FXN: variants seen among roughly 807,000 people sequenced by gnomAD.
FXN encodes frataxin.
In FXN, 14 loss-of-function variants were observed where a neutral mutation model predicts 22.4. The ratio of observed to expected loss-of-function variants is 0.62; its 90% CI spans 0.41 to 0.98. FXN has a LOEUF of 0.98. Ranked by LOEUF, FXN falls within the 50% of genes least tolerant of loss-of-function variation. The pLI is 0.00. For synonymous variants in FXN, 120 were observed against 114.1 expected (o/e 1.05, Z -0.33); for missense variants, 267 against 268.4 (o/e 0.99, Z 0.04).
At chr9:69,068,914 G>A (rs1001995947) in intron 4 of FXN, among the ~76,000 whole-genome samples, 3 of 152,180 alleles carry the variant, frequency 2.0e-5, no homozygotes, top group African/African-American at 4.8e-5. Context: ...GAACTTCCCC[G>A]AGTGACTGAT....
At chr9:69,060,182 C>T (rs913842152) in intron 3 of FXN, among the ~76,000 whole-genome samples, 3 of 152,130 alleles carry the variant, frequency 2.0e-5, no homozygotes, top group African/African-American at 7.2e-5. Flanking sequence ...TTCTGGCTAA[C>T]ACGGTGAAAC....
intron 4 of FXN, among the ~76,000 whole-genome samples, chr9:69,067,224 C>T (rs1027401882): frequency 7.2e-5 from 11 of 152,232 alleles, no homozygotes; most frequent in Non-Finnish European, 1.2e-4. Flanking sequence ...GGGCGGCTCT[C>T]CCCACTCCCG....
intron 3 of FXN, among the ~76,000 whole-genome samples, chr9:69,057,038 G>A (rs2133116076): frequency 6.6e-6 from 1 of 152,162 alleles, no homozygotes; most frequent in South Asian, 2.1e-4. Context: ...CCAAAGTGCT[G>A]GGATTACAGG....
chr9:69,055,783 G>A (rs72724250), intron 3 of FXN, among the ~76,000 whole-genome samples: 35 of 151,542 alleles, frequency 2.3e-4, no homozygotes, highest in Non-Finnish European at 4.7e-4. Flanking sequence ...CATGAGCCAC[G>A]GCACCTGGCA....
chr9:69,053,371 G>A lies in FXN; in HGVS notation c.384+111G>A, dbSNP rs183373904. 2.0e-4 allele frequency: 276 copies of A among 1,350,320 alleles called. No individual in the cohort carries two copies. In the African/African-American group the frequency reaches 3.5e-3, roughly 17 times the overall value. 83.6% of individuals were successfully genotyped at this position (1,350,320 alleles called of 1,614,324 possible). The stretch of plus-strand genomic sequence containing the variant: ...AAGCATCAAGTAGCATGTAGTTGTA[G>A]GTAGGATTAAAAGACTAGGGTTCCG... On this transcript the variant is annotated intron_variant, in intron 3 of 4. Coordinates refer to ENST00000484259, the MANE Select transcript of FXN (RefSeq NM_000144.5).
rs941833988 is a variant in FXN at position 69,074,988 on chromosome 9, A to G, written c.*2226A>G. 2.0e-6 allele frequency: 2 copies of G among 985,302 alleles called. No individual in the cohort carries two copies. The highest frequency in any genetic ancestry group is 1.2e-6 in the Non-Finnish European group (1 of 829,916). 61.0% of individuals were successfully genotyped at this position (985,302 alleles called of 1,614,324 possible). ...TGATGTACTCCTTTATCTGGGACACAGCACAAAAGAGGTATGCAGTGGGGC... is the reference window on the plus strand; with the variant it reads ...TGATGTACTCCTTTATCTGGGACACGGCACAAAAGAGGTATGCAGTGGGGC... On this transcript the variant is annotated 3_prime_UTR_variant, in exon 5 of 5. Transcript: ENST00000484259.
At position 69,073,054 on chromosome 9, in the gene FXN, C is replaced by A; in HGVS notation, c.*292C>A. The A allele has an allele frequency of 8.0e-7, 1 of 1,247,802 alleles. No individual in the cohort carries two copies. The highest frequency in any genetic ancestry group is 2.2e-5 in the South Asian group (1 of 44,918). The allele number at this position is 1,247,802 out of a possible 1,614,324, so 77.3% of individuals were successfully genotyped here. On this transcript the variant is annotated 3_prime_UTR_variant, in exon 5 of 5. Transcript: ENST00000484259. ...TTATGCCTATACCTGAATATAACAACCTTTAAAAAAGCAAAATAATAAGAA... is the reference window on the plus strand; with the variant it reads ...TTATGCCTATACCTGAATATAACAAACTTTAAAAAAGCAAAATAATAAGAA...
chr9:69,062,635 T>G (rs923309864), intron 3 of FXN, among the ~76,000 whole-genome samples: 2 of 152,094 alleles, frequency 1.3e-5, no homozygotes, highest in Non-Finnish European at 2.9e-5. Flanking sequence ...AACACCACCA[T>G]AAATGTATAA....
rs1036228270 is a variant in FXN, at chr9:69,072,721, C to T, written c.592C>T (p.Leu198=). The T allele has an allele frequency of 1.9e-6, 3 of 1,614,228 alleles. No homozygotes were observed. Among genetic ancestry groups the T allele is most frequent in the Non-Finnish European group, 2.5e-6 (3 of 1,180,050 alleles). Residue 198 remains leucine (L), a synonymous_variant, in exon 5 of 5, where the codon CTG becomes TTG. Coordinates refer to ENST00000484259, the MANE Select transcript of FXN (RefSeq NM_000144.5). ...AELTKALKTK[L]DLSSLAYSGK... The stretch of plus-strand genomic sequence containing the variant: ...GCTCACTAAAGCCTTAAAAACCAAA[C>T]TGGACTTGTCTTCCTTGGCCTATTC...
intron 1 of FXN, 166 bp downstream of exon 1, chr9:69,036,113 C>T: frequency 2.3e-6 from 1 of 441,732 alleles, no homozygotes. Flanking sequence ...CCTTGCAACT[C>T]CCTTCTCTGG....
chr9:69,072,725 A>T lies in FXN; in HGVS notation c.596A>T (p.Asp199Val). Residue 199 changes from aspartate (D) to valine (V), a missense_variant, in exon 5 of 5, where the codon GAC becomes GTC. Asp to Val is a radical substitution (Grantham distance 152). Coordinates refer to ENST00000484259, the MANE Select transcript of FXN (RefSeq NM_000144.5). The stretch of plus-strand genomic sequence containing the variant: ...ACTAAAGCCTTAAAAACCAAACTGG[A>T]CTTGTCTTCCTTGGCCTATTCCGGA... ...ELTKALKTKL[D>V]LSSLAYSGKD... 1 of 1,614,138 alleles carries T rather than the reference A, an allele frequency of 6.2e-7. No homozygotes were observed. The highest frequency in any genetic ancestry group is 8.5e-7 in the Non-Finnish European group (1 of 1,180,026).
intron 3 of FXN, among the ~76,000 whole-genome samples, chr9:69,058,504 T>C (rs1832004827): frequency 6.6e-6 from 1 of 152,096 alleles, no homozygotes; most frequent in South Asian, 2.1e-4. Flanking sequence ...GTCTTAGAAC[T>C]GAGGGTTCTT....
At chr9:69,047,350 GACACACAC>G (rs148756619) in intron 2 of FXN, among the ~76,000 whole-genome samples, 2 of 144,176 alleles carry the variant, frequency 1.4e-5, no homozygotes, top group African/African-American at 2.5e-5. Context: ...CACACACACA[GACACACAC>G]ACACACACAC....
chr9:69,075,195 T>C lies in FXN; in HGVS notation c.*2433T>C. The C allele has an allele frequency of 1.0e-6, 1 of 982,314 alleles. No homozygotes were observed. Among genetic ancestry groups the C allele is most frequent in the Non-Finnish European group, 1.2e-6 (1 of 827,124 alleles). The allele number at this position is 982,314 out of a possible 1,614,324, so 60.8% of individuals were successfully genotyped here. ...AAAAGGGGCCTGGCACAGTGGCTCA[T>C]GCCTGTAATCCCAGCACTTTGGGAG... On this transcript the variant is annotated 3_prime_UTR_variant, in exon 5 of 5. Transcript: ENST00000484259.
At chr9:69,037,335 G>T (rs914159513) in intron 1 of FXN, among the ~76,000 whole-genome samples, 1 of 150,458 alleles carries the variant, frequency 6.6e-6, no homozygotes, top group Non-Finnish European at 1.5e-5. Context: ...GCGTGGTGTC[G>T]CGCGCCTGTA....
rs1333260205 is a variant in FXN at position 69,073,360 on chromosome 9, G to A, written c.*598G>A. ...TGTGGCCTGCACTGGGTTGTCCAGG[G>A]AGACCTAGTGCTGTTTCTCCCACAT... On this transcript the variant is annotated 3_prime_UTR_variant, in exon 5 of 5. Coordinates refer to ENST00000484259, the MANE Select transcript of FXN (RefSeq NM_000144.5). 1.7e-5 allele frequency: 17 copies of A among 988,674 alleles called. No individual in the cohort carries two copies. Among genetic ancestry groups the A allele is most frequent in the Non-Finnish European group, 1.9e-5 (16 of 832,124 alleles). The allele number at this position is 988,674 out of a possible 1,614,324, so 61.2% of individuals were successfully genotyped here.
At chr9:69,056,859 C>A (rs1831969226) in intron 3 of FXN, among the ~76,000 whole-genome samples, 1 of 150,796 alleles carries the variant, frequency 6.6e-6, no homozygotes, top group African/African-American at 2.4e-5. Flanking sequence ...TCTCTTGCCT[C>A]AGCCTCCCGA....
intron 3 of FXN, 98 bp from the exon 4 acceptor site, chr9:69,064,840 A>G: frequency 2.7e-6 from 2 of 749,752 alleles, no homozygotes; most frequent in Non-Finnish European, 2.4e-6. Flanking sequence ...ACTTGTAGAA[A>G]TGGAAAGTGT....
Position 69,067,582 on chromosome 9 carries a change from G to A in FXN, c.482+2547G>A, listed in dbSNP as rs527568755. ...ATACTCTCTGTGGAAAAGATTTCCA[G>A]AAGCTGTTGTGTCAATATCAAAGCC... On this transcript the variant is annotated intron_variant, in intron 4 of 4. Coordinates refer to ENST00000484259, the MANE Select transcript of FXN (RefSeq NM_000144.5). 5.3e-5 allele frequency among the ~76,000 whole-genome samples: 8 copies of A among 152,306 alleles called. No homozygotes were observed. In the East Asian group the frequency reaches 1.5e-3, roughly 29 times the overall value.
Sources: gnomAD v4.1 joint callset for allele counts (sites outside exome capture counted in the v4.1 genomes callset) on GRCh38, gnomAD v4.1.1 for gene constraint, MANE v1.5 for transcripts, NCBI Gene and HGNC (gene_info 2026-07-23, HGNC 2026-07-21) for gene names.